RABGGTB: variants seen among roughly 807,000 people sequenced by gnomAD.
RABGGTB encodes Rab geranylgeranyltransferase subunit beta, also known as geranylgeranyl transferase type-2 subunit beta.
RABGGTB carries 20 observed loss-of-function variants against 44.5 expected under a neutral mutation model. The ratio of observed to expected loss-of-function variants is 0.45; its 90% CI spans 0.32 to 0.65. The LOEUF is 0.65. RABGGTB is among the 30% of genes least tolerant of loss of function. The pLI, the probability that RABGGTB is intolerant of heterozygous loss-of-function variation, is 0.05. For missense variants in RABGGTB, 302 were observed against 398.7 expected (o/e 0.76, Z 2.06); for synonymous variants, 128 against 136.7 (o/e 0.94, Z 0.44).
chr1:75,786,222 T>C, upstream of RABGGTB: 2 of 1,613,204 alleles, frequency 1.2e-6, no homozygotes, highest in Non-Finnish European at 1.7e-6. Context: ...GGCGCCCGGC[T>C]CCTAAGTCTA....
At position 75,791,277 on chromosome 1, in the gene RABGGTB, T is replaced by TA; in HGVS notation, c.416-7dup. ...CACCTGCCTTGATTTGATCTATTTT[T>TA]ATTGTAGGAGAAATTGACACAAGAT... On this transcript the variant is annotated splice_region_variant and splice_polypyrimidine_tract_variant and intron_variant, in intron 4 of 8. Coordinates refer to ENST00000319942, the MANE Select transcript of RABGGTB (RefSeq NM_004582.4). 1 of 1,605,890 alleles carries TA rather than the reference T, an allele frequency of 6.2e-7. No homozygotes were observed. Among genetic ancestry groups the TA allele is most frequent in the African/African-American group, 1.3e-5 (1 of 74,830 alleles).
chr1:75,792,415 C>G (rs1368614670), intron 7 of RABGGTB, 109 bp downstream of exon 7: 1 of 1,444,910 alleles, frequency 6.9e-7, no homozygotes, highest in Non-Finnish European at 9.4e-7. Flanking sequence ...TATTTATTAC[C>G]TTTCCCTGTT....
At chr1:75,786,576 G>T (rs1004746443) in intron 1 of RABGGTB, 1 of 402,838 alleles carries the variant, frequency 2.5e-6, no homozygotes, top group Non-Finnish European at 4.5e-6. Context: ...TTTTTTCTTG[G>T]AGAGGGGGTG....
Position 75,795,031 on chromosome 1 carries a change from C to A in RABGGTB, c.*381C>A. The A allele has an allele frequency of 3.7e-6, 1 of 270,144 alleles. No homozygotes were observed. The highest frequency in any genetic ancestry group is 7.3e-6 in the Non-Finnish European group (1 of 137,042). 16.7% of individuals were successfully genotyped at this position (270,144 alleles called of 1,614,324 possible). A position where few individuals can be genotyped will look rare whatever the true frequency, so the allele number is the denominator to read the frequency against. On this transcript the variant is annotated 3_prime_UTR_variant, in exon 9 of 9. Coordinates refer to ENST00000319942, the MANE Select transcript of RABGGTB (RefSeq NM_004582.4). Reference sequence around the variant, plus strand: ...TGTTAACTGATGAAAGTGGATAGAACCCATACATGAATTAAATGATGCACA... The same window carrying A: ...TGTTAACTGATGAAAGTGGATAGAAACCATACATGAATTAAATGATGCACA...
At chr1:75,786,544 C>G (rs1649490286) in intron 1 of RABGGTB, among the ~76,000 whole-genome samples, 2 of 151,824 alleles carry the variant, frequency 1.3e-5, no homozygotes. Context: ...CTCTAAAAAG[C>G]TGTGGCTGAT....
intron 1 of RABGGTB, 29 bp downstream of exon 1, chr1:75,786,303 G>C: frequency 4.3e-6 from 7 of 1,614,070 alleles, no homozygotes; most frequent in Non-Finnish European, 5.9e-6. Flanking sequence ...CTGCTGTCCG[G>C]ATGGGTTGGT....
At position 75,794,602 on chromosome 1, in the gene RABGGTB, TGAA is replaced by T; in HGVS notation, c.953_955del (p.Glu318del). On this transcript the variant is annotated inframe_deletion, in exon 9 of 9. Coordinates refer to ENST00000319942, the MANE Select transcript of RABGGTB (RefSeq NM_004582.4). ...CTGTTAATCCTGTCTTTTGCATGCCTGAAGAAGTGCTTCAGAGAGTGAATGTTC... is the reference window on the plus strand; with the variant it reads ...CTGTTAATCCTGTCTTTTGCATGCCTGAAGTGCTTCAGAGAGTGAATGTTC... 2 of 1,613,146 alleles carry T rather than the reference TGAA, an allele frequency of 1.2e-6. No homozygotes were observed. Among genetic ancestry groups the T allele is most frequent in the Non-Finnish European group, 1.7e-6 (2 of 1,179,452 alleles).
intron 6 of RABGGTB, 24 bp from the exon 7 acceptor site, chr1:75,792,157 T>C (rs1189485174): frequency 6.3e-7 from 1 of 1,576,660 alleles, no homozygotes; most frequent in Non-Finnish European, 8.7e-7. Flanking sequence ...ATTATACACA[T>C]AAACTTTATG....
At position 75,790,959 on chromosome 1, in the gene RABGGTB, A is replaced by T. The variant is rs187533553; in HGVS notation, c.416-326A>T. On this transcript the variant is annotated intron_variant, in intron 4 of 8. Coordinates refer to ENST00000319942, the MANE Select transcript of RABGGTB (RefSeq NM_004582.4). ...TGCCCAGCCCCACCTAATTTTTTTT[A>T]AAAAGTTTTTTGTAGAGATGGGGTC... Among the ~76,000 whole-genome samples the T allele has an allele frequency of 7.5e-3, 1,136 of 152,064 alleles. 13 individuals carry two copies. Among genetic ancestry groups the T allele is most frequent in the African/African-American group, 0.026 (1,081 of 41,498 alleles).
intron 1 of RABGGTB, chr1:75,786,737 C>T (rs762084272): frequency 3.6e-6 from 1 of 276,108 alleles, no homozygotes; most frequent in African/African-American, 2.3e-5. Context: ...GATATAGATA[C>T]GAAAAGAACT....
intron 5 of RABGGTB, 34 bp downstream of exon 5, chr1:75,791,371 G>A (rs772176595): frequency 1.3e-6 from 2 of 1,590,298 alleles, no homozygotes; most frequent in Non-Finnish European, 1.7e-6. Flanking sequence ...AATGATTAAA[G>A]TTCATGAATA....
chr1:75,787,063 A>G, intron 1 of RABGGTB: 1 of 519,850 alleles, frequency 1.9e-6, no homozygotes, highest in Middle Eastern at 3.2e-4. Flanking sequence ...TGCTGGTGGT[A>G]ATTTTTTGGG....
chr1:75,794,014 A>C, intron 7 of RABGGTB, 70 bp from the exon 8 acceptor site: 1 of 843,620 alleles, frequency 1.2e-6, no homozygotes. Flanking sequence ...GACTTAACCC[A>C]CTTTTAAATT....
chr1:75,789,875 A>G (rs1224876578), intron 3 of RABGGTB, 77 bp from the exon 4 acceptor site: 8 of 1,084,226 alleles, frequency 7.4e-6, no homozygotes, highest in Admixed American at 6.3e-5. Flanking sequence ...GTGCTTGACA[A>G]CTTAAAAAGA....
At chr1:75,789,847 A>T in intron 3 of RABGGTB, 105 bp from the exon 4 acceptor site, 1 of 812,704 alleles carries the variant, frequency 1.2e-6, no homozygotes, top group Non-Finnish European at 2.0e-6. Context: ...AAGGTTATAT[A>T]CACAGAGACA....
At chr1:75,792,914 C>T (rs781360549) in intron 7 of RABGGTB, among the ~76,000 whole-genome samples, 19 of 152,094 alleles carry the variant, frequency 1.2e-4, no homozygotes, top group Non-Finnish European at 2.4e-4. Context: ...CTGCAACCTC[C>T]GCCTCCCAGG....
At chr1:75,790,110 G>A (rs780304639) in intron 4 of RABGGTB, 53 bp downstream of exon 4, 5 of 1,600,966 alleles carry the variant, frequency 3.1e-6, no homozygotes, top group Non-Finnish European at 4.2e-6. Context: ...AAAATGTACT[G>A]GTTTTGCTAG....
intron 4 of RABGGTB, chr1:75,790,281 G>A: frequency 1.6e-6 from 2 of 1,231,860 alleles, no homozygotes; most frequent in Middle Eastern, 3.1e-4. Flanking sequence ...TAAGGTAGGT[G>A]GAATTTTTTT....
intron 8 of RABGGTB, 109 bp downstream of exon 8, chr1:75,794,342 T>A: frequency 7.2e-7 from 1 of 1,383,524 alleles, no homozygotes. Flanking sequence ...GAAAGCAGTT[T>A]TTTTTTCTAT....
Sources: allele counts gnomAD v4.1 joint callset (sites outside exome capture counted in the v4.1 genomes callset), GRCh38; gene constraint gnomAD v4.1.1; transcripts MANE v1.5; gene names NCBI Gene and HGNC (gene_info 2026-07-23, HGNC 2026-07-21).